Variants in GABRB3 observed in about 807,000 individuals in gnomAD.
GABRB3 encodes the protein gamma-aminobutyric acid receptor subunit beta-3.
GABRB3 carries 14 observed loss-of-function variants against 52.1 expected under a neutral mutation model. That is an observed-to-expected ratio of 0.27 (90% confidence interval 0.18 to 0.42). GABRB3 has a LOEUF of 0.42. GABRB3 is among the 10% of genes least tolerant of loss of function. GABRB3 has a pLI of 1.00. For missense variants in GABRB3, 307 were observed against 609.1 expected (o/e 0.50, Z 5.22); for synonymous variants, 260 against 232.3 (o/e 1.12, Z -1.08).
intron 3 of GABRB3, among the ~76,000 whole-genome samples, chr15:26,674,168 G>A (rs531806605): frequency 6.0e-4 from 90 of 151,230 alleles, no homozygotes; most frequent in Non-Finnish European, 1.1e-3. Context: ...TTGGGAGGCC[G>A]AGGCGGGCCG....
chr15:26,726,410 T>G (rs1889772376), intron 3 of GABRB3, among the ~76,000 whole-genome samples: 1 of 152,176 alleles, frequency 6.6e-6, no homozygotes, highest in African/African-American at 2.4e-5. Context: ...TTCACAAGTC[T>G]TATTTGAATG....
chr15:26,618,286 C>T (rs972194612), intron 4 of GABRB3, among the ~76,000 whole-genome samples: 3 of 151,706 alleles, frequency 2.0e-5, no homozygotes, highest in African/African-American at 7.3e-5. Flanking sequence ...CTACAGTAAC[C>T]AAAACAGCAT....
intron 3 of GABRB3, among the ~76,000 whole-genome samples, chr15:26,740,149 C>G (rs1174320745): frequency 6.6e-6 from 1 of 152,136 alleles, no homozygotes; most frequent in Non-Finnish European, 1.5e-5. Context: ...CCCCACCATC[C>G]CCATCCTCAC....
chr15:26,564,165 A>C (rs1890082083), intron 7 of GABRB3, among the ~76,000 whole-genome samples: 1 of 152,038 alleles, frequency 6.6e-6, no homozygotes, highest in Non-Finnish European at 1.5e-5. Context: ...GGATTTTTGG[A>C]TTAGGGATGC....
rs370895817 is a variant in GABRB3 at position 26,661,821 on chromosome 15, G to A, written c.241-40287C>T. On this transcript the variant is annotated intron_variant, in intron 3 of 8. Transcript: ENST00000311550. ...TGAACCTGGACCCGCATGGAACAGC[G>A]TCCTCCCAGTCCTCAGGCCGAAGTA... Among the ~76,000 whole-genome samples, 4 of 152,254 alleles carry A rather than the reference G, an allele frequency of 2.6e-5. No individual in the cohort carries two copies. In the South Asian group the frequency reaches 8.3e-4, roughly 32 times the overall value.
chr15:26,747,222 C>A (rs79566669), intron 3 of GABRB3, among the ~76,000 whole-genome samples: 8,132 of 152,250 alleles, frequency 0.053, 390 homozygotes, highest in East Asian at 0.29. Context: ...TTCTCCCAGA[C>A]TTCAATATAA....
At chr15:26,583,187 CTCTCTCTCTGTGTT>C (rs1353354537) in intron 5 of GABRB3, 131 bp downstream of exon 5, 155 of 710,560 alleles carry the variant, frequency 2.2e-4, no homozygotes, top group Admixed American at 1.7e-3. Context: ...CTGAGTCTCT[CTCTCTCTCTGTGTT>C]TCTCTCTCTG....
chr15:26,731,657 T>C (rs1687643963), intron 3 of GABRB3, among the ~76,000 whole-genome samples: 1 of 152,186 alleles, frequency 6.6e-6, no homozygotes, highest in Non-Finnish European at 1.5e-5. Flanking sequence ...ATTCTCACAC[T>C]CTGCATTTTT....
chr15:26,569,166 T>G (rs889032152), intron 6 of GABRB3: 5 of 152,294 alleles, frequency 3.3e-5, no homozygotes, highest in African/African-American at 9.6e-5. Flanking sequence ...TGTCCCTAGA[T>G]TCTTCTCTTT....
intron 3 of GABRB3, chr15:26,629,032 C>T: frequency 3.3e-6 from 5 of 1,536,132 alleles, no homozygotes; most frequent in Non-Finnish European, 4.4e-6. Context: ...CCCGGTATCC[C>T]GGTGCTGAGG....
intron 3 of GABRB3, among the ~76,000 whole-genome samples, chr15:26,688,772 C>T (rs949409738): frequency 4.6e-5 from 7 of 152,202 alleles, no homozygotes; most frequent in South Asian, 2.1e-4. Context: ...TAGCCACTGA[C>T]AGCTGGCTAC....
chr15:26,581,497 C>T (rs964232564), intron 5 of GABRB3, among the ~76,000 whole-genome samples: 6 of 152,146 alleles, frequency 3.9e-5, no homozygotes, highest in African/African-American at 1.4e-4. Flanking sequence ...GCAAATGCTT[C>T]CTAGTGAAAT....
At position 26,615,836 on chromosome 15, in the gene GABRB3, G is replaced by C. The variant is rs544383907; in HGVS notation, c.461+5478C>G. On this transcript the variant is annotated intron_variant, in intron 4 of 8. Transcript: ENST00000311550. Reference sequence around the variant, plus strand: ...AGCCAATCTCAGTGTCCAGGGGTGAGAGAAATTCAGTCTGAAGGTCTCAGT... The same window carrying C: ...AGCCAATCTCAGTGTCCAGGGGTGACAGAAATTCAGTCTGAAGGTCTCAGT... The C allele has an allele frequency of 1.8e-5, 22 of 1,218,768 alleles. No homozygotes were observed. In the Admixed American group the frequency reaches 5.4e-4, roughly 30 times the overall value. 75.5% of individuals were successfully genotyped at this position (1,218,768 alleles called of 1,614,324 possible). A position where few individuals can be genotyped will look rare whatever the true frequency, so the allele number is the denominator to read the frequency against.
chr15:26,679,206 G>A (rs1465853398), intron 3 of GABRB3, among the ~76,000 whole-genome samples: 1 of 152,084 alleles, frequency 6.6e-6, no homozygotes, highest in Non-Finnish European at 1.5e-5. Flanking sequence ...TAACTCTTTT[G>A]GGGGGAAAGT....
chr15:26,632,758 A>G (rs1566784595), intron 3 of GABRB3, among the ~76,000 whole-genome samples: 1 of 152,208 alleles, frequency 6.6e-6, no homozygotes, highest in Non-Finnish European at 1.5e-5. Context: ...AAAGTTATCT[A>G]ATTATTCTGA....
rs535489374 is a variant in GABRB3, at chr15:26,565,257, T to C, written c.835+2324A>G. Among the ~76,000 whole-genome samples, 120 of 152,294 alleles carry C rather than the reference T, an allele frequency of 7.9e-4. 1 individual carries two copies. The highest frequency in any genetic ancestry group is 2.8e-3 in the African/African-American group (118 of 41,566). ...GAATTCACCAACTGACATTTCCCAG[T>C]GACTGTAGATCTAGACTCAGTCTTG... On this transcript the variant is annotated intron_variant, in intron 7 of 8. Coordinates refer to ENST00000311550, the MANE Select transcript of GABRB3 (RefSeq NM_000814.6).
At chr15:26,662,610 T>A (rs906299123) in intron 3 of GABRB3, among the ~76,000 whole-genome samples, 9 of 152,182 alleles carry the variant, frequency 5.9e-5, no homozygotes, top group Non-Finnish European at 1.2e-4. Flanking sequence ...AGCTTTGGCC[T>A]TAGAAAAAAG....
rs1045973607 is a variant in GABRB3 at position 26,684,399 on chromosome 15, A to C, written c.241-62865T>G. ...GAACAAATGATGGGGAGTACGAGAG[A>C]AATGTTCACATATGGGAAGAAAAAC... On this transcript the variant is annotated intron_variant, in intron 3 of 8. Coordinates refer to ENST00000311550, the MANE Select transcript of GABRB3 (RefSeq NM_000814.6). Among the ~76,000 whole-genome samples the C allele has an allele frequency of 2.6e-5, 4 of 152,260 alleles. No homozygotes were observed. In the South Asian group the frequency reaches 8.3e-4, roughly 32 times the overall value.
rs1567097461 is a variant in GABRB3, at chr15:26,554,169, A to T, written c.1081-6035T>A. Among the ~76,000 whole-genome samples the T allele has an allele frequency of 5.3e-3, 134 of 25,440 alleles. 1 individual carries two copies. The highest frequency in any genetic ancestry group is 0.014 in the South Asian group (5 of 348). The allele number at this position is 25,440 out of a possible 152,430, so 16.7% of individuals were successfully genotyped here. On this transcript the variant is annotated intron_variant, in intron 8 of 8. Coordinates refer to ENST00000311550, the MANE Select transcript of GABRB3 (RefSeq NM_000814.6). ...GTATATATATATATAAAGTATATAT[A>T]TATAAAGTATATATATATATACTAT... is the stretch of plus-strand genomic sequence containing the variant.
Sources: gnomAD v4.1 joint callset for allele counts (sites outside exome capture counted in the v4.1 genomes callset) on GRCh38, gnomAD v4.1.1 for gene constraint, MANE v1.5 for transcripts, NCBI Gene and HGNC (gene_info 2026-07-23, HGNC 2026-07-21) for gene names.